Variants in UGT2B4 observed in about 807,000 individuals in gnomAD.
UGT2B4 encodes the protein UDP glucuronosyltransferase family 2 member B4, also known as UDP-glucuronosyltransferase 2B4.
A neutral mutation model predicts 49.8 loss-of-function variants in UGT2B4; 49 were observed. The observed-to-expected ratio is 0.98, with a 90% CI of 0.78 to 1.25. The LOEUF (loss-of-function observed/expected upper bound fraction) is 1.25. Ranked by LOEUF, UGT2B4 falls within the 50% of genes most tolerant of loss-of-function variation. The probability of loss-of-function intolerance (pLI) is 0.00; values close to 1 mark genes in which losing one functional copy is unlikely to be tolerated. For synonymous variants in UGT2B4, 246 were observed against 217.7 expected (o/e 1.13, Z -1.14); for missense variants, 729 against 627.7 (o/e 1.16, Z -1.73).
chr4:69,497,064 A>G (rs1485407785), upstream of UGT2B4, among the ~76,000 whole-genome samples: 3 of 152,152 alleles, frequency 2.0e-5, no homozygotes, highest in East Asian at 5.8e-4. Context: ...AGAATTATGC[A>G]GACATTGTTA....
At chr4:69,491,231 A>G (rs1490538761) in intron 2 of UGT2B4, among the ~76,000 whole-genome samples, 1 of 151,500 alleles carries the variant, frequency 6.6e-6, no homozygotes, top group African/African-American at 2.4e-5. Flanking sequence ...TTTCTACCTC[A>G]CTTTACTTGT....
intron 1 of UGT2B4, among the ~76,000 whole-genome samples, chr4:69,524,329 A>G (rs1187889749): frequency 2.1e-4 from 32 of 152,224 alleles, no homozygotes. Context: ...CTTTCACTTG[A>G]ACACTTAGAG....
intron 3 of UGT2B4, 79 bp downstream of exon 3, chr4:69,489,360 G>T (rs1727908761): frequency 6.4e-7 from 1 of 1,569,508 alleles, no homozygotes; most frequent in Non-Finnish European, 8.7e-7. Context: ...TAGGCAGGAA[G>T]TTTCTACAAT....
At chr4:69,507,257 C>T (rs1027275144) in intron 1 of UGT2B4, among the ~76,000 whole-genome samples, 7 of 152,098 alleles carry the variant, frequency 4.6e-5, no homozygotes, top group Non-Finnish European at 7.4e-5. Context: ...AAAGTGTATT[C>T]AAATAGAAAG....
chr4:69,507,557 G>A lies in UGT2B4; in HGVS notation c.-105-11591C>T, dbSNP rs531003975. On this transcript the variant is annotated intron_variant, in intron 1 of 1. Coordinates refer to the UGT2B4 transcript ENST00000510114. The stretch of plus-strand genomic sequence containing the variant: ...ACCAAACAAACAAACAAGTACTGCC[G>A]AAAGAAATTAGAGATGACACAAACA... 1.6e-3 allele frequency among the ~76,000 whole-genome samples: 248 copies of A among 152,076 alleles called. 4 individuals are homozygous for A. The highest frequency in any genetic ancestry group is 7.9e-3 in the Admixed American group (121 of 15,250).
At chr4:69,519,429 A>G (rs1468094541) in intron 1 of UGT2B4, among the ~76,000 whole-genome samples, 3 of 152,156 alleles carry the variant, frequency 2.0e-5, no homozygotes, top group Non-Finnish European at 2.9e-5. Flanking sequence ...TAGAAAACTC[A>G]GGGTTAGGCA....
chr4:69,485,177 G>T (rs2109804218), intron 5 of UGT2B4, 31 bp downstream of exon 5: 1 of 1,610,454 alleles, frequency 6.2e-7, no homozygotes, highest in Non-Finnish European at 8.5e-7. Flanking sequence ...TATCTATAAA[G>T]ACCACCGAGT....
intron 1 of UGT2B4, among the ~76,000 whole-genome samples, chr4:69,507,886 CACAGCAA>C (rs1330549123): frequency 4.6e-5 from 7 of 152,100 alleles, no homozygotes; most frequent in Non-Finnish European, 7.4e-5. Flanking sequence ...AGAACTTTTG[CACAGCAA>C]AAGAAAATAT....
chr4:69,510,662 T>C (rs1728582874), intron 1 of UGT2B4, among the ~76,000 whole-genome samples: 1 of 152,168 alleles, frequency 6.6e-6, no homozygotes, highest in Non-Finnish European at 1.5e-5. Context: ...AACTGATTTT[T>C]GTATGTTGAT....
At chr4:69,514,091 T>C (rs1395047230) in intron 1 of UGT2B4, among the ~76,000 whole-genome samples, 2 of 152,136 alleles carry the variant, frequency 1.3e-5, no homozygotes, top group African/African-American at 2.4e-5. Flanking sequence ...ATTTTGCATA[T>C]GCTTTTTTTA....
intron 4 of UGT2B4, among the ~76,000 whole-genome samples, chr4:69,485,703 G>GAA (rs1472864696): frequency 6.6e-6 from 1 of 151,798 alleles, no homozygotes; most frequent in Non-Finnish European, 1.5e-5. Context: ...GTGCAGAAAA[G>GAA]AAAAAAAGCA....
intron 1 of UGT2B4, among the ~76,000 whole-genome samples, chr4:69,513,132 G>A (rs1286643631): frequency 1.3e-5 from 2 of 152,064 alleles, no homozygotes; most frequent in Non-Finnish European, 2.9e-5. Flanking sequence ...AATTGATTTG[G>A]GTGTTTTCAT....
In UGT2B4 at chr4:69,495,709, A is replaced by C. The variant is rs1327439216; in HGVS notation, c.153T>G (p.His51Gln). 1 of 1,613,964 alleles carries C rather than the reference A, an allele frequency of 6.2e-7. No homozygotes were observed. The highest frequency in any genetic ancestry group is 1.3e-5 in the African/African-American group (1 of 74,928). Residue 51 changes from histidine to glutamine, a missense_variant, in exon 1 of 6, where the codon CAT (histidine) becomes CAG (glutamine). His to Gln is a conservative substitution (Grantham distance 24). Coordinates refer to ENST00000305107, the MANE Select transcript of UGT2B4 (RefSeq NM_021139.3). ...TILDELVQRGHEVTVLASSAS... is the reference protein window; with the variant it reads ...TILDELVQRGQEVTVLASSAS... ...CTGAAGATGCCAATACAGTCACCTC[A>C]TGACCTCTCTGGACAAGTTCATCCA...
intron 1 of UGT2B4, among the ~76,000 whole-genome samples, chr4:69,494,376 T>A (rs1167395630): frequency 6.6e-6 from 1 of 152,196 alleles, no homozygotes; most frequent in Non-Finnish European, 1.5e-5. Flanking sequence ...CATAATAATA[T>A]TAGTTTTTAG....
chr4:69,511,368 T>G (rs781043962), intron 1 of UGT2B4, among the ~76,000 whole-genome samples: 2 of 152,182 alleles, frequency 1.3e-5, no homozygotes, highest in Admixed American at 1.3e-4. Flanking sequence ...CATAAACTAT[T>G]GTTCAGTTGT....
In UGT2B4 at chr4:69,504,456, A is replaced by G. The variant is rs978277263; in HGVS notation, c.-105-8490T>C. Among the ~76,000 whole-genome samples the G allele has an allele frequency of 7.2e-5, 11 of 152,338 alleles. 1 individual carries two copies. The highest frequency in any genetic ancestry group is 1.3e-4 in the Non-Finnish European group (9 of 68,034). On this transcript the variant is annotated intron_variant, in intron 1 of 1. Transcript: ENST00000510114. ...ACCACATGAATTTCATAATGAAATC[A>G]CAAGTATTAACAGCAGAATAGACCA... is the stretch of plus-strand genomic sequence containing the variant.
chr4:69,494,921 C>T (rs1728099680), intron 1 of UGT2B4, among the ~76,000 whole-genome samples: 1 of 151,998 alleles, frequency 6.6e-6, no homozygotes, highest in African/African-American at 2.4e-5. Flanking sequence ...TTATGACTTC[C>T]TGGAGTCTTC....
rs1159941591 is a variant in UGT2B4, at chr4:69,493,790, A to G, written c.773T>C (p.Ile258Thr). The change falls in exon 2 of 6, where the codon ATT becomes ACT. Residue 258 changes from isoleucine (I) to threonine (T), a missense_variant. Ile to Thr is a moderately conservative substitution (Grantham distance 89). Transcript: ENST00000305107. ...ETMAKADIWL[I>T]RNYWDFQFPH... The stretch of plus-strand genomic sequence containing the variant: ...AAATTGAAAATCCCAGTAGTTTCGA[A>G]TAAGCCATATGTCAGCTTTTGCCAT... 2.5e-6 allele frequency: 4 copies of G among 1,609,558 alleles called. No individual in the cohort carries two copies. The highest frequency in any genetic ancestry group is 3.4e-6 in the Non-Finnish European group (4 of 1,178,158).
intron 2 of UGT2B4, among the ~76,000 whole-genome samples, chr4:69,491,564 T>C (rs1727986899): frequency 6.6e-6 from 1 of 152,102 alleles, no homozygotes; most frequent in Non-Finnish European, 1.5e-5. Flanking sequence ...CAAATTGGGT[T>C]TGCAGTTATT....
Sources: allele counts gnomAD v4.1 joint callset (sites outside exome capture counted in the v4.1 genomes callset), GRCh38; gene constraint gnomAD v4.1.1; transcripts MANE v1.5; gene names NCBI Gene and HGNC (gene_info 2026-07-23, HGNC 2026-07-21).